Variants in DNAJC13 observed in about 807,000 individuals in gnomAD.
DNAJC13 encodes DnaJ heat shock protein family (Hsp40) member C13.
Under a neutral mutation model 290.5 loss-of-function variants are expected in DNAJC13, and 75 were observed. That is an observed-to-expected ratio of 0.26 (90% CI 0.21 to 0.31). DNAJC13 has a LOEUF of 0.31. DNAJC13 is among the 10% of genes least tolerant of loss of function. DNAJC13 has a pLI of 1.00. For missense variants in DNAJC13, 2,260 were observed against 2,674.5 expected, an observed-to-expected ratio of 0.85 and a Z score of 3.42; for synonymous variants, 862 against 892.0, an observed-to-expected ratio of 0.97 and a Z score of 0.60.
At chr3:132,508,214 TA>T (rs1576509073) in intron 43 of DNAJC13, among the ~76,000 whole-genome samples, 2 of 152,086 alleles carry the variant, frequency 1.3e-5, no homozygotes, top group East Asian at 1.9e-4. Context: ...AGTTTGAAGC[TA>T]GGGGGGATTG....
chr3:132,496,380 C>A, intron 35 of DNAJC13, 148 bp from the exon 36 acceptor site: 1 of 691,212 alleles, frequency 1.4e-6, no homozygotes, highest in Non-Finnish European at 2.2e-6. Flanking sequence ...TAACAGTATA[C>A]CAGCTAGATT....
At chr3:132,430,064 A>G (rs897607322) in intron 1 of DNAJC13, among the ~76,000 whole-genome samples, 1 of 152,134 alleles carries the variant, frequency 6.6e-6, no homozygotes, top group Non-Finnish European at 1.5e-5. Flanking sequence ...TCAGGAATAC[A>G]ATATTTATTC....
At chr3:132,432,245 C>G (rs1017906757) in intron 1 of DNAJC13, among the ~76,000 whole-genome samples, 3 of 151,990 alleles carry the variant, frequency 2.0e-5, no homozygotes, top group Non-Finnish European at 4.4e-5. Context: ...CTCTGTTACC[C>G]AGGCTGGAGT....
intron 17 of DNAJC13, among the ~76,000 whole-genome samples, chr3:132,464,338 T>C (rs1190954147): frequency 6.6e-6 from 1 of 152,210 alleles, no homozygotes; most frequent in African/African-American, 2.4e-5. Context: ...AACACATAAA[T>C]TTATTCACTT....
At chr3:132,534,065 G>A (rs1013791104) in intron 55 of DNAJC13, among the ~76,000 whole-genome samples, 1 of 152,130 alleles carries the variant, frequency 6.6e-6, no homozygotes, top group Admixed American at 6.5e-5. Context: ...AAAAGTTGGG[G>A]TATACAAATT....
chr3:132,498,809 G>A (rs548342664), intron 36 of DNAJC13, among the ~76,000 whole-genome samples: 26 of 151,842 alleles, frequency 1.7e-4, no homozygotes, highest in South Asian at 8.3e-4. Context: ...TCCACCTCCC[G>A]GGTTCACACC....
At chr3:132,486,008 A>G (rs1258614890) in intron 29 of DNAJC13, among the ~76,000 whole-genome samples, 1 of 148,520 alleles carries the variant, frequency 6.7e-6, no homozygotes, top group African/African-American at 2.5e-5. Flanking sequence ...TTTTACATTC[A>G]CTTATTTACT....
At position 132,518,504 on chromosome 3, in the gene DNAJC13, C is replaced by T. The variant is rs148126947; in HGVS notation, c.5673+1688C>T. On this transcript the variant is annotated intron_variant, in intron 48 of 55. Transcript: ENST00000260818. The stretch of plus-strand genomic sequence containing the variant: ...AGTAGCTGGCACTACAGGCACGCAC[C>T]ACCACACCTGGCTAATTTTTGTATT... Among the ~76,000 whole-genome samples the T allele has an allele frequency of 3.1e-3, 478 of 152,198 alleles. 1 individual carries two copies. The highest frequency in any genetic ancestry group is 4.8e-3 in the Non-Finnish European group (324 of 68,010).
intron 2 of DNAJC13, among the ~76,000 whole-genome samples, chr3:132,444,112 C>T (rs1229252988): frequency 6.6e-6 from 1 of 152,168 alleles, no homozygotes; most frequent in Non-Finnish European, 1.5e-5. Context: ...GCATTACCGC[C>T]TGAGCTCCAT....
chr3:132,497,077 A>G (rs1935256542), intron 36 of DNAJC13, among the ~76,000 whole-genome samples: 1 of 152,242 alleles, frequency 6.6e-6, no homozygotes, highest in South Asian at 2.1e-4. Flanking sequence ...AAGAGCATTC[A>G]GATTTTTTAA....
At chr3:132,511,422 G>C (rs1430166731) in intron 44 of DNAJC13, among the ~76,000 whole-genome samples, 178 bp downstream of exon 44, 1 of 152,162 alleles carries the variant, frequency 6.6e-6, no homozygotes, top group African/African-American at 2.4e-5. Context: ...GCTGGGGAGA[G>C]AGGTCAAGGC....
rs780844360 is a variant in DNAJC13 at position 132,447,374 on chromosome 3, G to A, written c.198G>A (p.Thr66=). 6.8e-6 allele frequency: 11 copies of A among 1,606,564 alleles called. No homozygotes were observed. Among genetic ancestry groups the A allele is most frequent in the East Asian group, 2.3e-5 (1 of 44,238 alleles). ...SISPVGKGQG[T]EFNLTFRKGS... ...GCCCTGTTGGAAAAGGACAAGGAAC[G>A]GAGTTCAACCTCACATTTCGTAAAG... is the stretch of plus-strand genomic sequence containing the variant. The change falls in exon 4 of 56, where the codon ACG becomes ACA. Residue 66 remains threonine, a synonymous_variant. Transcript: ENST00000260818.
chr3:132,490,871 A>T (rs1935039580), intron 31 of DNAJC13, 26 bp from the exon 32 acceptor site: 1 of 1,500,302 alleles, frequency 6.7e-7, no homozygotes. Flanking sequence ...GTTTTTGACT[A>T]CCTTTTGTTT....
At position 132,454,073 on chromosome 3, in the gene DNAJC13, C is replaced by T. The variant is rs768430183; in HGVS notation, c.848C>T (p.Ala283Val). 1.8e-5 allele frequency: 29 copies of T among 1,599,668 alleles called. No individual in the cohort carries two copies. The highest frequency in any genetic ancestry group is 5.8e-5 in the South Asian group (5 of 86,756). Residue 283 changes from alanine (A) to valine (V), a missense_variant, in exon 9 of 56, where the codon GCG (alanine) becomes GTG (valine). Ala to Val is a moderately conservative substitution (Grantham distance 64, BLOSUM62 0). Coordinates refer to ENST00000260818, the MANE Select transcript of DNAJC13 (RefSeq NM_015268.4). ...TTTTTGTTTTTTCATTAGGTATTTG[C>T]GTTGGTCTGTGACTCAGAAAATCCA... ...ATLKPLGEVF[A>V]LVCDSENPQL...
chr3:132,500,908 G>C lies in DNAJC13; in HGVS notation c.4531G>C (p.Gly1511Arg). Reference sequence around the variant, plus strand: ...GGATCTCTGTCGGGTACTATATTTTGGCAAGGTAGGGTTAATCTTTAATGC... The same window carrying C: ...GGATCTCTGTCGGGTACTATATTTTCGCAAGGTAGGGTTAATCTTTAATGC... Reference protein sequence around the residue: ...IKDLCRVLYFGKSIPRVAALG... With the variant: ...IKDLCRVLYFRKSIPRVAALG... Residue 1511 changes from glycine to arginine, a missense_variant, in exon 39 of 56, where the codon GGC (glycine) becomes CGC (arginine). By Grantham distance (125) the Gly-to-Arg change is moderately radical. Coordinates refer to ENST00000260818, the MANE Select transcript of DNAJC13 (RefSeq NM_015268.4). The C allele has an allele frequency of 6.2e-7, 1 of 1,613,708 alleles. No homozygotes were observed. Among genetic ancestry groups the C allele is most frequent in the East Asian group, 2.2e-5 (1 of 44,870 alleles).
At chr3:132,471,414 T>C (rs1934251859) in intron 20 of DNAJC13, among the ~76,000 whole-genome samples, 3 of 138,556 alleles carry the variant, frequency 2.2e-5, no homozygotes, top group Middle Eastern at 4.0e-3. Context: ...CCAGATGGGG[T>C]GGCTGCCGGG....
chr3:132,500,542 T>C (rs1935375246), intron 38 of DNAJC13, among the ~76,000 whole-genome samples: 1 of 152,196 alleles, frequency 6.6e-6, no homozygotes, highest in Non-Finnish European at 1.5e-5. Context: ...CTTAGCTCTT[T>C]GGCAGTACAA....
chr3:132,418,488 G>T (rs16839234), intron 1 of DNAJC13, among the ~76,000 whole-genome samples: 7,202 of 152,176 alleles, frequency 0.047, 533 homozygotes, highest in African/African-American at 0.16. Context: ...CGTTAACCAC[G>T]TTTGTCTTAA....
chr3:132,516,724 G>A lies in DNAJC13; in HGVS notation c.5581G>A (p.Asp1861Asn). ...MAKGALIYLL[D>N]MFCNSTHPQV... ...CATAGGTGCTTTGATCTATTTACTG[G>A]ATATGTTCTGCAATTCAACACATCC... The change falls in exon 48 of 56, where the codon GAT (aspartate) becomes AAT (asparagine). Residue 1861 changes from aspartate to asparagine, a missense_variant. Physicochemically the swap from Asp to Asn is conservative, Grantham distance 23. Around this residue, in one of 3 missense-constraint regions of DNAJC13, gnomAD observed 1,494 missense variants for 1,693.7 expected, o/e 0.88. Coordinates refer to ENST00000260818, the MANE Select transcript of DNAJC13 (RefSeq NM_015268.4). 6.2e-7 allele frequency: 1 copy of A among 1,613,010 alleles called. No individual in the cohort carries two copies. Among genetic ancestry groups the A allele is most frequent in the East Asian group, 2.2e-5 (1 of 44,826 alleles).
Sources: gnomAD v4.1 joint callset for allele counts (sites outside exome capture counted in the v4.1 genomes callset) on GRCh38, gnomAD v4.1.1 for gene constraint, gnomAD v4.1.1 regional missense constraint, MANE v1.5 for transcripts, NCBI Gene and HGNC (gene_info 2026-07-23, HGNC 2026-07-21) for gene names.